The following GRIK2 variants were observed in gnomAD, a reference collection of about 807,000 sequenced individuals.
GRIK2 encodes glutamate receptor ionotropic, kainate 2.
Under a neutral mutation model 100.3 loss-of-function variants are expected in GRIK2, and 32 were observed. The ratio of observed to expected loss-of-function variants is 0.32; its 90% CI spans 0.24 to 0.43. The LOEUF (loss-of-function observed/expected upper bound fraction) is 0.43, where lower values mean the gene tolerates loss of function less well. GRIK2 is among the 20% of genes least tolerant of loss of function. The pLI is 1.00. For synonymous variants in GRIK2, 417 were observed against 389.4 expected (o/e 1.07, Z -0.83); for missense variants, 843 against 1,114.9 (o/e 0.76, Z 3.47).
chr6:102,050,642 T>A (rs1410025432), intron 15 of GRIK2, among the ~76,000 whole-genome samples: 3 of 96,256 alleles, frequency 3.1e-5, no homozygotes, highest in South Asian at 3.0e-4. Flanking sequence ...AGAGCAAAAC[T>A]CGGTCTAAAA....
At chr6:101,906,901 G>A (rs2128463883) in intron 12 of GRIK2, among the ~76,000 whole-genome samples, 1 of 151,784 alleles carries the variant, frequency 6.6e-6, no homozygotes, top group East Asian at 1.9e-4. Context: ...TTCCTCATAT[G>A]TTATTTTACA....
At chr6:101,727,109 AATTC>A (rs1450795895) in intron 7 of GRIK2, among the ~76,000 whole-genome samples, 5 of 152,068 alleles carry the variant, frequency 3.3e-5, no homozygotes, top group African/African-American at 1.2e-4. Flanking sequence ...TATTTTTATG[AATTC>A]ATTCTCATAT....
chr6:101,694,859 C>A (rs150335752), intron 7 of GRIK2, among the ~76,000 whole-genome samples: 1 of 151,340 alleles, frequency 6.6e-6, no homozygotes, highest in East Asian at 1.9e-4. Context: ...GTTTTTGGCT[C>A]CTCCCCCCAA....
At chr6:101,611,097 A>G (rs1158936015) in intron 2 of GRIK2, among the ~76,000 whole-genome samples, 2 of 151,804 alleles carry the variant, frequency 1.3e-5, no homozygotes, top group East Asian at 1.9e-4. Flanking sequence ...CATTTATAGA[A>G]AGAAAAATCA....
chr6:101,685,339 G>C (rs1043860564), intron 6 of GRIK2, among the ~76,000 whole-genome samples: 1 of 152,156 alleles, frequency 6.6e-6, no homozygotes, highest in Non-Finnish European at 1.5e-5. Flanking sequence ...TATCTAGCCT[G>C]TGTAGCTGTA....
At chr6:101,703,245 G>A (rs574530110) in intron 7 of GRIK2, among the ~76,000 whole-genome samples, 1 of 151,880 alleles carries the variant, frequency 6.6e-6, no homozygotes, top group South Asian at 2.1e-4. Flanking sequence ...CAAGGGTATA[G>A]TGTGAATAGA....
chr6:101,604,442 A>G (rs1779357473), intron 2 of GRIK2, among the ~76,000 whole-genome samples: 1 of 151,878 alleles, frequency 6.6e-6, no homozygotes, highest in African/African-American at 2.4e-5. Context: ...TACACATGAA[A>G]CTATGACAGA....
At chr6:101,428,833 G>A (rs987236141) in intron 2 of GRIK2, among the ~76,000 whole-genome samples, 7 of 152,150 alleles carry the variant, frequency 4.6e-5, no homozygotes, top group African/African-American at 1.4e-4. Context: ...CAGGGGGTTA[G>A]ACTTCTGCTC....
chr6:101,689,215 C>T (rs1771920510), intron 7 of GRIK2, among the ~76,000 whole-genome samples: 1 of 152,034 alleles, frequency 6.6e-6, no homozygotes. Flanking sequence ...GCATTGGCAA[C>T]ATTCCCTTCA....
chr6:101,860,382 A>G (rs930683191), intron 11 of GRIK2, among the ~76,000 whole-genome samples: 3 of 152,100 alleles, frequency 2.0e-5, no homozygotes, highest in African/African-American at 7.2e-5. Context: ...TATATATATT[A>G]TATTTTCCCC....
At chr6:101,688,726 AT>A (rs1362282004) in intron 7 of GRIK2, among the ~76,000 whole-genome samples, 1 of 151,962 alleles carries the variant, frequency 6.6e-6, no homozygotes, top group Non-Finnish European at 1.5e-5. Flanking sequence ...ATTCTGAGTT[AT>A]TTAGAAGAAT....
At chr6:102,004,287 A>AT (rs35096329) in intron 14 of GRIK2, among the ~76,000 whole-genome samples, 1,188 of 114,430 alleles carry the variant, frequency 0.01, 9 homozygotes, top group African/African-American at 0.015. Context: ...CTGTAAGTTC[A>AT]TTTTTTTTTT....
At chr6:101,975,154 C>A (rs973634102) in intron 14 of GRIK2, among the ~76,000 whole-genome samples, 1 of 151,684 alleles carries the variant, frequency 6.6e-6, no homozygotes, top group African/African-American at 2.4e-5. Context: ...AGAGAAAAAT[C>A]GTAGTTTCAG....
Position 101,611,828 on chromosome 6 carries a change from A to C in GRIK2, c.116-10121A>C, listed in dbSNP as rs1400617090. On this transcript the variant is annotated intron_variant, in intron 2 of 16. Coordinates refer to ENST00000369134, the MANE Select transcript of GRIK2 (RefSeq NM_021956.5). ...TTTCCATGGTGTGTCCACGGGTCACATGTATATATGTTTTATTTTTGTTTT... is the reference window on the plus strand; with the variant it reads ...TTTCCATGGTGTGTCCACGGGTCACCTGTATATATGTTTTATTTTTGTTTT... Among the ~76,000 whole-genome samples, 3 of 151,950 alleles carry C rather than the reference A, an allele frequency of 2.0e-5. No individual in the cohort carries two copies. The East Asian group carries it at 5.8e-4, about 30-fold the overall frequency.
At chr6:101,720,464 T>C (rs1562333558) in intron 7 of GRIK2, among the ~76,000 whole-genome samples, 1 of 152,068 alleles carries the variant, frequency 6.6e-6, no homozygotes, top group Non-Finnish European at 1.5e-5. Flanking sequence ...AGAATTTTGA[T>C]TAATTTAGAT....
intron 7 of GRIK2, among the ~76,000 whole-genome samples, chr6:101,778,780 C>T (rs1778901538): frequency 6.6e-6 from 1 of 151,998 alleles, no homozygotes; most frequent in South Asian, 2.1e-4. Context: ...CAAAGAAAAG[C>T]TATGTTTTAA....
chr6:101,724,931 T>C (rs1774753520), intron 7 of GRIK2, among the ~76,000 whole-genome samples: 1 of 152,038 alleles, frequency 6.6e-6, no homozygotes. Flanking sequence ...ACTGAAGGAC[T>C]CCTGTGACCT....
chr6:101,987,610 CAATT>C (rs1396174995), intron 14 of GRIK2, among the ~76,000 whole-genome samples: 6 of 150,388 alleles, frequency 4.0e-5, no homozygotes, highest in Admixed American at 3.3e-4. Flanking sequence ...TCCTGTATTA[CAATT>C]AATTAGATGT....
At chr6:101,646,781 C>T (rs1024926088) in intron 4 of GRIK2, among the ~76,000 whole-genome samples, 3 of 151,860 alleles carry the variant, frequency 2.0e-5, no homozygotes, top group Non-Finnish European at 4.4e-5. Flanking sequence ...TCTGTCTCTG[C>T]TAGCATCATC....
Sources: gnomAD v4.1 joint callset for allele counts (sites outside exome capture counted in the v4.1 genomes callset) on GRCh38, gnomAD v4.1.1 for gene constraint, MANE v1.5 for transcripts, NCBI Gene and HGNC (gene_info 2026-07-23, HGNC 2026-07-21) for gene names.